LRBA: variants seen among roughly 807,000 people sequenced by gnomAD.
The protein encoded by LRBA is lipopolysaccharide-responsive and beige-like anchor protein.
In LRBA, 176 loss-of-function variants were observed where a neutral mutation model predicts 330.0. The ratio of observed to expected loss-of-function variants is 0.53; its 90% CI spans 0.47 to 0.60. LRBA has a LOEUF of 0.60. Among genes scored for constraint, LRBA ranks in the 20% least tolerant of loss-of-function variants. The probability of loss-of-function intolerance (pLI) is 0.00; values close to 1 mark genes in which losing one functional copy is unlikely to be tolerated. For synonymous variants in LRBA, 1,230 were observed against 1,193.0 expected, an observed-to-expected ratio of 1.03 and a Z score of -0.64; for missense variants, 3,259 against 3,444.8, an observed-to-expected ratio of 0.95 and a Z score of 1.35.
At chr4:150,511,764 T>C (rs1761857598) in intron 40 of LRBA, among the ~76,000 whole-genome samples, 1 of 152,164 alleles carries the variant, frequency 6.6e-6, no homozygotes, top group Non-Finnish European at 1.5e-5. Context: ...CAAACAGTCT[T>C]TGAGAGGTTA....
At chr4:150,669,627 A>G (rs1033773389) in intron 37 of LRBA, among the ~76,000 whole-genome samples, 18 of 151,172 alleles carry the variant, frequency 1.2e-4, no homozygotes, top group African/African-American at 4.1e-4. Context: ...GTGCAATGAC[A>G]CGATTTCAGC....
chr4:150,994,496 C>G (rs1460294658), intron 2 of LRBA, among the ~76,000 whole-genome samples: 1 of 151,986 alleles, frequency 6.6e-6, no homozygotes, highest in Non-Finnish European at 1.5e-5. Context: ...GGCAATGAAA[C>G]AGTAAACAAA....
intron 40 of LRBA, among the ~76,000 whole-genome samples, chr4:150,586,287 C>T (rs2126424112): frequency 6.6e-6 from 1 of 152,224 alleles, no homozygotes; most frequent in African/African-American, 2.4e-5. Flanking sequence ...CAGCAGTAGA[C>T]ATACATCTCC....
intron 17 of LRBA, among the ~76,000 whole-genome samples, chr4:150,886,594 A>C (rs1030768048): frequency 2.6e-5 from 4 of 152,186 alleles, no homozygotes; most frequent in African/African-American, 7.2e-5. Flanking sequence ...AAAACCAAAG[A>C]ATGAAAGAAA....
At chr4:150,911,887 G>A (rs758648497) in intron 9 of LRBA, among the ~76,000 whole-genome samples, 3 of 151,710 alleles carry the variant, frequency 2.0e-5, no homozygotes, top group African/African-American at 4.8e-5. Flanking sequence ...AGGTCTTTTC[G>A]GATTTTTTAA....
At chr4:150,604,666 A>C (rs1428956425) in intron 37 of LRBA, among the ~76,000 whole-genome samples, 2 of 152,180 alleles carry the variant, frequency 1.3e-5, no homozygotes, top group Non-Finnish European at 2.9e-5. Flanking sequence ...ATGGCTATTA[A>C]GGTGCACAAC....
At position 150,870,535 on chromosome 4, in the gene LRBA, T is replaced by C. The variant is rs2127000700; in HGVS notation, c.2439A>G (p.Ile813Met). ...QHPDPDSSVK[I>M]QNPQILKVIA... The stretch of plus-strand genomic sequence containing the variant: ...ATATAAAATACATACGAGGGTTTTG[T>C]ATCTTCACTGAAGAATCAGGATCTG... The change falls in exon 20 of 57, where the codon ATA becomes ATG. Residue 813 changes from isoleucine to methionine, a missense_variant. Coordinates refer to ENST00000651943, the MANE Select transcript of LRBA (RefSeq NM_001364905.1). 1.9e-6 allele frequency: 3 copies of C among 1,576,654 alleles called. No homozygotes were observed. Among genetic ancestry groups the C allele is most frequent in the African/African-American group, 1.3e-5 (1 of 74,294 alleles).
At chr4:150,980,556 A>G (rs1221054716) in intron 2 of LRBA, among the ~76,000 whole-genome samples, 1 of 152,184 alleles carries the variant, frequency 6.6e-6, no homozygotes, top group Non-Finnish European at 1.5e-5. Flanking sequence ...GGGCTGAGGC[A>G]GGAGAATCGC....
At chr4:150,342,367 G>A (rs1246654447) in intron 48 of LRBA, among the ~76,000 whole-genome samples, 2 of 151,992 alleles carry the variant, frequency 1.3e-5, no homozygotes, top group Admixed American at 6.6e-5. Flanking sequence ...AAAAAGAATA[G>A]TGCCAAAATA....
At chr4:150,402,877 CTGGAT>C in intron 47 of LRBA, among the ~76,000 whole-genome samples, 1 of 151,622 alleles carries the variant, frequency 6.6e-6, no homozygotes, top group Non-Finnish European at 1.5e-5. Flanking sequence ...CTAAGCCGTT[CTGGAT>C]AAGCATGTGG....
intron 34 of LRBA, among the ~76,000 whole-genome samples, chr4:150,784,186 A>G (rs547517580): frequency 3.5e-4 from 54 of 152,212 alleles, no homozygotes; most frequent in Non-Finnish European, 7.1e-4. Flanking sequence ...TAATTAACAT[A>G]TCTATAGCCT....
chr4:150,321,410 A>T lies in LRBA; in HGVS notation c.7453-42T>A. ...TGTTGAGTGGGCATGACAAGACCCA[A>T]ATAGACAAGAAGGAAAAGATGAAGA... On this transcript the variant is annotated intron_variant, in intron 49 of 56. Coordinates refer to ENST00000651943, the MANE Select transcript of LRBA (RefSeq NM_001364905.1). This position sits in a 1 kb window ranked among gnomAD's most constrained non-coding sequence, Gnocchi z 4.5. 1 of 1,480,886 alleles carries T rather than the reference A, an allele frequency of 6.8e-7. No homozygotes were observed. Among genetic ancestry groups the T allele is most frequent in the African/African-American group, 1.4e-5 (1 of 69,158 alleles). 91.7% of individuals were successfully genotyped at this position (1,480,886 alleles called of 1,614,324 possible).
At chr4:150,973,810 T>C (rs377334386) in intron 2 of LRBA, among the ~76,000 whole-genome samples, 1 of 152,006 alleles carries the variant, frequency 6.6e-6, no homozygotes, top group Admixed American at 6.6e-5. Flanking sequence ...CTGGGCAAAA[T>C]AGCGAGACCC....
At chr4:150,653,585 T>C (rs544292717) in intron 37 of LRBA, among the ~76,000 whole-genome samples, 1 of 152,260 alleles carries the variant, frequency 6.6e-6, no homozygotes, top group South Asian at 2.1e-4. Context: ...AATCTAGGTG[T>C]GAGAGGGCCC....
intron 37 of LRBA, among the ~76,000 whole-genome samples, chr4:150,611,247 G>A (rs1775227513): frequency 6.6e-6 from 1 of 152,156 alleles, no homozygotes; most frequent in Non-Finnish European, 1.5e-5. Context: ...TATTAGGCAT[G>A]CTAGTACGTA....
At chr4:150,801,651 C>A (rs1741627046) in intron 33 of LRBA, among the ~76,000 whole-genome samples, 1 of 152,188 alleles carries the variant, frequency 6.6e-6, no homozygotes, top group Non-Finnish European at 1.5e-5. Context: ...CGGAAGAACA[C>A]CGCCACACGT....
At chr4:150,280,594 A>G (rs545424356) in intron 55 of LRBA, among the ~76,000 whole-genome samples, 36 of 152,282 alleles carry the variant, frequency 2.4e-4, no homozygotes, top group African/African-American at 8.7e-4. Flanking sequence ...TGGCATCTAA[A>G]ATAAAAATAG....
At chr4:150,840,911 T>C in intron 28 of LRBA, 1 of 1,080,970 alleles carries the variant, frequency 9.3e-7, no homozygotes, top group East Asian at 7.3e-5. Flanking sequence ...TGTCAAAAAT[T>C]TTGGATATAA....
In LRBA at chr4:150,867,696, T is replaced by C; in HGVS notation, c.2741A>G (p.Asp914Gly). 1 of 1,612,546 alleles carries C rather than the reference T, an allele frequency of 6.2e-7. No homozygotes were observed. The highest frequency in any genetic ancestry group is 8.5e-7 in the Non-Finnish European group (1 of 1,179,396). ...CTTTGAATGAGTGATTGATAAAGTG[T>C]CTACCCATACACGCCAGCCACCCCA... ...YEWGGWRVWV[D>G]TLSITHSKVT... Residue 914 changes from aspartate to glycine, a missense_variant, in exon 22 of 57, where the codon GAC (aspartate) becomes GGC (glycine). Transcript: ENST00000651943.
Sources: gnomAD v4.1 joint callset for allele counts (sites outside exome capture counted in the v4.1 genomes callset) on GRCh38, gnomAD v4.1.1 for gene constraint, Gnocchi (gnomAD v3.1) non-coding constraint, MANE v1.5 for transcripts, NCBI Gene and HGNC (gene_info 2026-07-23, HGNC 2026-07-21) for gene names.